DNAH6: variants seen among roughly 807,000 people sequenced by gnomAD.
The protein encoded by DNAH6 is axonemal beta dynein heavy chain 6.
DNAH6 carries 340 observed loss-of-function variants against 491.4 expected under a neutral mutation model. The ratio of observed to expected loss-of-function variants is 0.69; its 90% CI spans 0.63 to 0.76. The LOEUF (loss-of-function observed/expected upper bound fraction) is 0.76, where lower values mean the gene tolerates loss of function less well. DNAH6 is among the 30% of genes least tolerant of loss of function. The probability of loss-of-function intolerance (pLI) is 0.00; values close to 1 mark genes in which losing one functional copy is unlikely to be tolerated. For synonymous variants in DNAH6, 1,603 were observed against 1,686.1 expected (o/e 0.95, Z 1.21); for missense variants, 4,443 against 4,972.2 (o/e 0.89, Z 3.20).
chr2:84,652,917 A>G (rs1690588385), intron 33 of DNAH6, among the ~76,000 whole-genome samples: 1 of 151,948 alleles, frequency 6.6e-6, no homozygotes, highest in African/African-American at 2.4e-5. Context: ...CTATAAATAT[A>G]ATTTTTAAAC....
At chr2:84,467,321 T>A in the DNAH6 span, among the ~76,000 whole-genome samples, 2 of 152,196 alleles carry the variant, frequency 1.3e-5, no homozygotes, top group African/African-American at 4.8e-5. Flanking sequence ...TTCTTACACA[T>A]CTTGCATATA....
intron 2 of DNAH6, among the ~76,000 whole-genome samples, chr2:84,524,529 T>C (rs1298490667): frequency 6.6e-6 from 1 of 152,106 alleles, no homozygotes; most frequent in Non-Finnish European, 1.5e-5. Flanking sequence ...CTTTAAAGTG[T>C]CACTGGTCTA....
intron 35 of DNAH6, among the ~76,000 whole-genome samples, chr2:84,657,283 C>A (rs1450576853): frequency 1.3e-5 from 2 of 151,896 alleles, no homozygotes; most frequent in Non-Finnish European, 2.9e-5. Flanking sequence ...CAACTTTGTT[C>A]TTTTTTGTTG....
intron 68 of DNAH6, among the ~76,000 whole-genome samples, chr2:84,791,520 G>A (rs1677741270): frequency 6.6e-6 from 1 of 151,972 alleles, no homozygotes; most frequent in Non-Finnish European, 1.5e-5. Context: ...TCATGGGACA[G>A]GGAGTAGACA....
intron 63 of DNAH6, among the ~76,000 whole-genome samples, chr2:84,749,811 T>C (rs1673295017): frequency 6.6e-6 from 1 of 152,196 alleles, no homozygotes; most frequent in South Asian, 2.1e-4. Context: ...AATAAAGACA[T>C]TGAAGCTAGA....
At chr2:84,621,776 G>A (rs1687423052) in intron 26 of DNAH6, among the ~76,000 whole-genome samples, 1 of 151,976 alleles carries the variant, frequency 6.6e-6, no homozygotes, top group Non-Finnish European at 1.5e-5. Context: ...TGTGAAAATA[G>A]GAGGAAAAAC....
intron 62 of DNAH6, among the ~76,000 whole-genome samples, chr2:84,735,655 A>G (rs2104997249): frequency 6.6e-6 from 1 of 151,910 alleles, no homozygotes; most frequent in African/African-American, 2.4e-5. Context: ...CATGTTGAGC[A>G]TTTTTTCATG....
intron 37 of DNAH6, among the ~76,000 whole-genome samples, chr2:84,666,318 G>C (rs980121415): frequency 1.4e-4 from 22 of 152,268 alleles, no homozygotes; most frequent in African/African-American, 4.6e-4. Context: ...AATTGTCCCT[G>C]TTTGCAGATG....
At chr2:84,469,415 A>C in the DNAH6 span, among the ~76,000 whole-genome samples, 54 of 152,258 alleles carry the variant, frequency 3.5e-4, no homozygotes, top group African/African-American at 1.3e-3. The surrounding 1 kb of genome is among the most constrained non-coding windows in gnomAD (Gnocchi z 4.0). Flanking sequence ...CCATTATCAA[A>C]CTGGCAAGGC....
chr2:84,600,777 T>A (rs1310923290), intron 18 of DNAH6, among the ~76,000 whole-genome samples: 1 of 151,908 alleles, frequency 6.6e-6, no homozygotes, highest in African/African-American at 2.4e-5. Context: ...TTGTCTTAAC[T>A]GTACAGTTAC....
intron 28 of DNAH6, 80 bp downstream of exon 28, chr2:84,624,700 T>A (rs1687698486): frequency 8.4e-6 from 12 of 1,429,974 alleles, no homozygotes; most frequent in Non-Finnish European, 8.5e-6. Context: ...CATATGACAT[T>A]AACTCTTGAA....
chr2:84,662,328 G>A (rs1270084425), intron 37 of DNAH6, among the ~76,000 whole-genome samples: 1 of 152,180 alleles, frequency 6.6e-6, no homozygotes, highest in Admixed American at 6.5e-5. Flanking sequence ...GGAAGCACAA[G>A]GGGTTGGGTA....
intron 58 of DNAH6, among the ~76,000 whole-genome samples, chr2:84,716,174 T>A (rs1377694546): frequency 2.7e-5 from 4 of 150,366 alleles, no homozygotes; most frequent in Non-Finnish European, 1.5e-5. Context: ...TATATATATA[T>A]GTATGCCCTT....
rs762189059 is a variant in DNAH6 at position 84,707,556 on chromosome 2, G to T, written c.8888G>T (p.Arg2963Leu). Residue 2963 changes from arginine (R) to leucine (L), a missense_variant, in exon 54 of 77, where the codon CGT becomes CTT. By Grantham distance (102) the Arg-to-Leu change is moderately radical. Around this residue, in one of 3 missense-constraint regions of DNAH6, gnomAD observed 1,463 missense variants for 1,656.6 expected, o/e 0.88. Transcript: ENST00000389394. ...GCCCTGACAAAAGCACGTCTAGTAC[G>T]TGCTGGAAAGCTGACAGCAGCATTA... ...TMALTKARLV[R>L]AGKLTAALED... 2.6e-6 allele frequency: 4 copies of T among 1,551,858 alleles called. No individual in the cohort carries two copies. The highest frequency in any genetic ancestry group is 3.5e-6 in the Non-Finnish European group (4 of 1,147,002).
chr2:84,808,866 G>A (rs912362669), intron 72 of DNAH6, among the ~76,000 whole-genome samples: 1 of 152,152 alleles, frequency 6.6e-6, no homozygotes, highest in African/African-American at 2.4e-5. Context: ...TGTTCCTAAT[G>A]TCTAGTTTGC....
At chr2:84,590,343 A>G (rs1683990042) in intron 16 of DNAH6, among the ~76,000 whole-genome samples, 1 of 151,836 alleles carries the variant, frequency 6.6e-6, no homozygotes, top group Non-Finnish European at 1.5e-5. Flanking sequence ...AAAATACAAA[A>G]AATTAGCTGG....
Position 84,546,932 on chromosome 2 carries a change from G to A in DNAH6, c.931-336G>A, listed in dbSNP as rs142043749. Reference sequence around the variant, plus strand: ...GGGCCTTTCCATTATCATTATGACCGGACATTGTAAAGTACTTAAGGTAAC... The same window carrying A: ...GGGCCTTTCCATTATCATTATGACCAGACATTGTAAAGTACTTAAGGTAAC... On this transcript the variant is annotated intron_variant, in intron 5 of 76. Transcript: ENST00000389394. Among the ~76,000 whole-genome samples the A allele has an allele frequency of 8.6e-4, 131 of 152,166 alleles. 2 individuals are homozygous for A. Among genetic ancestry groups the A allele is most frequent in the African/African-American group, 3.0e-3 (123 of 41,532 alleles).
At chr2:84,790,813 A>G (rs993732887) in intron 68 of DNAH6, among the ~76,000 whole-genome samples, 5 of 152,238 alleles carry the variant, frequency 3.3e-5, no homozygotes, top group African/African-American at 1.2e-4. Context: ...TTTGAAAAAA[A>G]TTTTAAATAA....
rs192758123 is a variant in DNAH6 at position 84,808,383 on chromosome 2, A to G, written c.11612-32A>G. On this transcript the variant is annotated intron_variant, in intron 71 of 76. Coordinates refer to ENST00000389394, the MANE Select transcript of DNAH6 (RefSeq NM_001370.2). ...ATATTGTGAGAACAAATCAATGGTG[A>G]CTGGCCTGAGGAATCGCTGTGTATG... The G allele has an allele frequency of 2.6e-4, 390 of 1,485,952 alleles. 2 individuals carry two copies. The African/African-American group carries it at 4.9e-3, about 19-fold the overall frequency. 92.0% of individuals were successfully genotyped at this position (1,485,952 alleles called of 1,614,324 possible). A position where few individuals can be genotyped will look rare whatever the true frequency, so the allele number is the denominator to read the frequency against.
Sources: allele counts gnomAD v4.1 joint callset (sites outside exome capture counted in the v4.1 genomes callset), GRCh38; gene constraint gnomAD v4.1.1; regional missense constraint gnomAD v4.1.1; non-coding constraint Gnocchi (gnomAD v3.1); transcripts MANE v1.5; gene names NCBI Gene and HGNC (gene_info 2026-07-23, HGNC 2026-07-21).